The following ZNF385D variants were observed in gnomAD, a reference collection of about 807,000 sequenced individuals.
ZNF385D encodes the protein zinc finger protein 659.
A neutral mutation model predicts 35.8 loss-of-function variants in ZNF385D; 15 were observed. That is an observed-to-expected ratio of 0.42 (90% CI 0.28 to 0.64). The LOEUF (loss-of-function observed/expected upper bound fraction) is 0.64. Ranked by LOEUF, ZNF385D falls within the 30% of genes least tolerant of loss-of-function variation. ZNF385D has a pLI of 0.23. For missense variants in ZNF385D, 474 were observed against 494.6 expected, an observed-to-expected ratio of 0.96 and a Z score of 0.39; for synonymous variants, 212 against 186.8, an observed-to-expected ratio of 1.13 and a Z score of -1.10.
intron 1 of ZNF385D, among the ~76,000 whole-genome samples, chr3:21,689,342 G>A (rs2067209169): frequency 2.6e-5 from 4 of 152,156 alleles, no homozygotes; most frequent in Admixed American, 2.6e-4. Context: ...CTGTTGCGGG[G>A]CAGCATAAGC....
intron 3 of ZNF385D, among the ~76,000 whole-genome samples, chr3:21,931,084 T>A (rs1575944031): frequency 6.6e-6 from 1 of 152,070 alleles, no homozygotes; most frequent in Non-Finnish European, 1.5e-5. Flanking sequence ...ACCCAGAATA[T>A]ATAAAGAAAT....
At chr3:22,329,296 G>A (rs1694826604) in intron 2 of ZNF385D, among the ~76,000 whole-genome samples, 1 of 151,666 alleles carries the variant, frequency 6.6e-6, no homozygotes, top group Admixed American at 6.6e-5. Flanking sequence ...AATTTGGTTT[G>A]GTACAATATT....
intron 2 of ZNF385D, among the ~76,000 whole-genome samples, chr3:21,598,371 G>A (rs6794736): frequency 0.83 from 125,780 of 152,094 alleles, 52,177 homozygotes; most frequent in Non-Finnish European, 0.86. Context: ...AAAATCCACA[G>A]TAATAATTTT....
chr3:22,363,219 T>A (rs981778617), intron 2 of ZNF385D, among the ~76,000 whole-genome samples: 6 of 152,060 alleles, frequency 3.9e-5, no homozygotes, highest in African/African-American at 1.4e-4. Context: ...CTGGAAGGAA[T>A]CAATTTTCTC....
At chr3:22,278,019 G>T (rs553858720) in intron 2 of ZNF385D, among the ~76,000 whole-genome samples, 1 of 152,002 alleles carries the variant, frequency 6.6e-6, no homozygotes, top group Non-Finnish European at 1.5e-5. Flanking sequence ...TCTCCCTTGC[G>T]CTCCCCAACA....
intron 3 of ZNF385D, among the ~76,000 whole-genome samples, chr3:22,038,333 C>A (rs1698462060): frequency 6.6e-6 from 1 of 152,160 alleles, no homozygotes; most frequent in African/African-American, 2.4e-5. Context: ...AGTCGAATTG[C>A]CTAGCTTAGA....
intron 4 of ZNF385D, among the ~76,000 whole-genome samples, chr3:21,486,972 C>A (rs1705075667): frequency 6.6e-6 from 1 of 152,030 alleles, no homozygotes; most frequent in Non-Finnish European, 1.5e-5. Flanking sequence ...CTGGAAGTGG[C>A]AGACAATGGC....
chr3:22,019,392 T>C (rs1200468653), intron 3 of ZNF385D, among the ~76,000 whole-genome samples: 1 of 151,970 alleles, frequency 6.6e-6, no homozygotes, highest in Non-Finnish European at 1.5e-5. Context: ...CCATCAGTTA[T>C]GTCAAGGTTA....
At chr3:21,917,944 C>T (rs1243143286) in intron 3 of ZNF385D, among the ~76,000 whole-genome samples, 1 of 152,078 alleles carries the variant, frequency 6.6e-6, no homozygotes, top group African/African-American at 2.4e-5. Context: ...TGTAGAGGAC[C>T]CACAGATATA....
chr3:22,313,791 T>C (rs764257225), intron 2 of ZNF385D, among the ~76,000 whole-genome samples: 1 of 152,132 alleles, frequency 6.6e-6, no homozygotes, highest in Non-Finnish European at 1.5e-5. Flanking sequence ...TAAGCAAAAA[T>C]GGGAATTTGT....
chr3:22,018,308 G>A (rs1005974329), intron 3 of ZNF385D, among the ~76,000 whole-genome samples: 4 of 151,436 alleles, frequency 2.6e-5, no homozygotes, highest in Non-Finnish European at 4.4e-5. Flanking sequence ...CTATTTCACT[G>A]TGGATACTCT....
chr3:21,894,835 A>G (rs1053225998), intron 3 of ZNF385D, among the ~76,000 whole-genome samples: 2 of 152,160 alleles, frequency 1.3e-5, no homozygotes, highest in African/African-American at 4.8e-5. Context: ...GAAGAAACGT[A>G]GAGCTTGACA....
chr3:22,067,532 G>C (rs1025495380), intron 3 of ZNF385D, among the ~76,000 whole-genome samples: 1 of 152,186 alleles, frequency 6.6e-6, no homozygotes, highest in Non-Finnish European at 1.5e-5. Flanking sequence ...TGACAAAACA[G>C]AAGTGTATAT....
At chr3:21,615,309 G>T (rs1158665240) in intron 2 of ZNF385D, among the ~76,000 whole-genome samples, 1 of 152,092 alleles carries the variant, frequency 6.6e-6, no homozygotes, top group Admixed American at 6.6e-5. Flanking sequence ...ATGATTGGAA[G>T]CTTCCCGAGG....
chr3:22,092,227 A>C (rs1206273894), intron 3 of ZNF385D, among the ~76,000 whole-genome samples: 1 of 152,170 alleles, frequency 6.6e-6, no homozygotes, highest in East Asian at 1.9e-4. Flanking sequence ...CTTCTTTGCC[A>C]GTCAGGATAA....
At chr3:21,799,483 C>G (rs985575683) in intron 3 of ZNF385D, among the ~76,000 whole-genome samples, 14 of 152,120 alleles carry the variant, frequency 9.2e-5, no homozygotes, top group Admixed American at 8.5e-4. Context: ...TTTCCGTCTT[C>G]ATTTGTATTT....
At chr3:21,632,601 T>C (rs186816946) in intron 2 of ZNF385D, among the ~76,000 whole-genome samples, 23 of 152,222 alleles carry the variant, frequency 1.5e-4, no homozygotes, top group East Asian at 1.2e-3. Context: ...CTCTGGGAGA[T>C]TGAACAATAA....
intron 3 of ZNF385D, among the ~76,000 whole-genome samples, chr3:22,134,889 A>T (rs1704014527): frequency 6.6e-6 from 1 of 152,208 alleles, no homozygotes; most frequent in African/African-American, 2.4e-5. Context: ...GAACCCTCAT[A>T]GCCTAGTCAC....
chr3:21,906,602 G>A (rs1699696445), intron 3 of ZNF385D, among the ~76,000 whole-genome samples: 1 of 152,018 alleles, frequency 6.6e-6, no homozygotes, highest in Non-Finnish European at 1.5e-5. Flanking sequence ...TGGTTTCCCT[G>A]GGTTCTGTGC....
Sources: allele counts gnomAD v4.1 joint callset (sites outside exome capture counted in the v4.1 genomes callset), GRCh38; gene constraint gnomAD v4.1.1; transcripts MANE v1.5; gene names NCBI Gene and HGNC (gene_info 2026-07-23, HGNC 2026-07-21).